Variants in ARFGAP3 observed in about 807,000 individuals in gnomAD.
ARFGAP3 encodes ARF GTPase activating protein 3.
In ARFGAP3, 72 loss-of-function variants were observed where a neutral mutation model predicts 75.0. That is an observed-to-expected ratio of 0.96 (90% CI 0.79 to 1.17). The LOEUF is 1.17. Ranked by LOEUF, ARFGAP3 falls within the 50% of genes most tolerant of loss-of-function variation. The probability of loss-of-function intolerance (pLI) is 0.00; values close to 1 mark genes in which losing one functional copy is unlikely to be tolerated. For synonymous variants in ARFGAP3, 221 were observed against 217.9 expected (o/e 1.01, Z -0.13); for missense variants, 620 against 626.6 (o/e 0.99, Z 0.11).
intron 5 of ARFGAP3, among the ~76,000 whole-genome samples, chr22:42,833,269 T>C (rs142466669): frequency 3.3e-5 from 5 of 152,306 alleles, no homozygotes; most frequent in African/African-American, 1.2e-4. Context: ...ACTGGGGCAC[T>C]GAGAATGAAA....
At chr22:42,839,787 C>T (rs1926699444) in intron 3 of ARFGAP3, among the ~76,000 whole-genome samples, 1 of 152,094 alleles carries the variant, frequency 6.6e-6, no homozygotes, top group South Asian at 2.1e-4. Context: ...CTTATCACTG[C>T]CTGTTATTTT....
At chr22:42,807,908 C>A (rs139291149) in intron 13 of ARFGAP3, among the ~76,000 whole-genome samples, 20 of 151,336 alleles carry the variant, frequency 1.3e-4, no homozygotes, top group African/African-American at 4.4e-4. Flanking sequence ...CCATACCGAG[C>A]TAATTTTTGT....
At chr22:42,850,912 T>C (rs1927251496) in intron 1 of ARFGAP3, among the ~76,000 whole-genome samples, 1 of 152,240 alleles carries the variant, frequency 6.6e-6, no homozygotes, top group African/African-American at 2.4e-5. Flanking sequence ...TGAACGCTTA[T>C]TGGTGCTAGT....
chr22:42,829,625 G>A (rs960682761), intron 6 of ARFGAP3, among the ~76,000 whole-genome samples: 4 of 152,086 alleles, frequency 2.6e-5, no homozygotes, highest in African/African-American at 7.2e-5. Context: ...GAAACAAGCC[G>A]TTTTTGTCTA....
intron 2 of ARFGAP3, among the ~76,000 whole-genome samples, chr22:42,845,796 T>G (rs539748563): frequency 6.6e-6 from 1 of 151,784 alleles, no homozygotes; most frequent in Non-Finnish European, 1.5e-5. Flanking sequence ...TCCCAACACT[T>G]TGGGAGGACG....
chr22:42,857,032 C>T (rs1927536255), intron 1 of ARFGAP3, 82 bp downstream of exon 1: 1 of 1,394,258 alleles, frequency 7.2e-7, no homozygotes, highest in Non-Finnish European at 9.4e-7. Context: ...GCCTCCCAAG[C>T]CACGGGCACT....
chr22:42,849,203 C>T (rs1927157947), intron 1 of ARFGAP3, among the ~76,000 whole-genome samples: 1 of 152,234 alleles, frequency 6.6e-6, no homozygotes, highest in African/African-American at 2.4e-5. Flanking sequence ...CCAGCTAAGT[C>T]ACCCCCAAAT....
intron 11 of ARFGAP3, among the ~76,000 whole-genome samples, chr22:42,815,522 G>A (rs1268564104): frequency 6.7e-6 from 1 of 150,036 alleles, no homozygotes; most frequent in African/African-American, 2.5e-5. Flanking sequence ...TATAAACATT[G>A]ATAGGAAAAT....
chr22:42,827,750 A>G (rs1195614829), intron 6 of ARFGAP3, among the ~76,000 whole-genome samples: 1 of 152,070 alleles, frequency 6.6e-6, no homozygotes, highest in Non-Finnish European at 1.5e-5. Context: ...TGTTTATTCT[A>G]TTTTACCTAA....
At chr22:42,834,045 C>G (rs1391745780) in intron 5 of ARFGAP3, among the ~76,000 whole-genome samples, 197 bp downstream of exon 5, 1 of 152,206 alleles carries the variant, frequency 6.6e-6, no homozygotes, top group East Asian at 1.9e-4. Flanking sequence ...ATGTTGAGAA[C>G]AGCAAAGTAA....
intron 13 of ARFGAP3, among the ~76,000 whole-genome samples, chr22:42,807,717 AG>A: frequency 1.3e-5 from 2 of 152,276 alleles, no homozygotes; most frequent in Admixed American, 1.3e-4. Context: ...TCAGGATGAG[AG>A]GAAAGACGTA....
At chr22:42,845,953 G>T (rs750933534) in intron 2 of ARFGAP3, among the ~76,000 whole-genome samples, 1 of 146,816 alleles carries the variant, frequency 6.8e-6, no homozygotes, top group Non-Finnish European at 1.5e-5. Context: ...CAGGAGAATC[G>T]CTTGAACCCA....
intron 1 of ARFGAP3, 91 bp downstream of exon 1, chr22:42,857,023 C>T: frequency 7.5e-7 from 1 of 1,325,610 alleles, no homozygotes; most frequent in Non-Finnish European, 9.8e-7. Context: ...GCCGGCCCCG[C>T]CTCCCAAGCC....
At chr22:42,834,089 G>T (rs1037189346) in intron 5 of ARFGAP3, among the ~76,000 whole-genome samples, 153 bp downstream of exon 5, 1 of 152,128 alleles carries the variant, frequency 6.6e-6, no homozygotes, top group African/African-American at 2.4e-5. Context: ...CCTAACCTTG[G>T]AATTGTTGAT....
rs748683056 is a variant in ARFGAP3, at chr22:42,817,835, A to G, written c.835T>C (p.Tyr279His). ...ESIVSSLRLA[Y>H]KDLEIQMKKD... ...TTCATTTGAATTTCAAGATCCTTAT[A>G]GGCTAATCGTAATGATGAAACACTG... Residue 279 changes from tyrosine (Y) to histidine (H), a missense_variant, in exon 10 of 16, where the codon TAT becomes CAT. Physicochemically the swap from Tyr to His is moderately conservative, Grantham distance 83. Transcript: ENST00000263245. 1.2e-6 allele frequency: 2 copies of G among 1,609,604 alleles called. No homozygotes were observed. The highest frequency in any genetic ancestry group is 1.1e-5 in the South Asian group (1 of 90,360).
At chr22:42,826,242 G>T (rs1297812340) in intron 7 of ARFGAP3, among the ~76,000 whole-genome samples, 1 of 152,158 alleles carries the variant, frequency 6.6e-6, no homozygotes. Flanking sequence ...AAATCAGAAA[G>T]AGAAGAAAAT....
chr22:42,847,787 A>T, intron 1 of ARFGAP3, 155 bp from the exon 2 acceptor site: 2 of 478,930 alleles, frequency 4.2e-6, no homozygotes, highest in Non-Finnish European at 5.4e-6. Flanking sequence ...AGGTTTTTTT[A>T]AAAGCCTCAA....
At chr22:42,848,354 G>A (rs540095295) in intron 1 of ARFGAP3, among the ~76,000 whole-genome samples, 9 of 152,162 alleles carry the variant, frequency 5.9e-5, no homozygotes, top group East Asian at 1.9e-4. Flanking sequence ...GACTACAGGC[G>A]CCCGCCACCG....
intron 13 of ARFGAP3, among the ~76,000 whole-genome samples, chr22:42,808,359 C>T (rs1318914127): frequency 3.3e-5 from 5 of 150,526 alleles, no homozygotes; most frequent in African/African-American, 4.9e-5. Context: ...AATCATGCCA[C>T]TGCACTCCAG....
Sources: allele counts gnomAD v4.1 joint callset (sites outside exome capture counted in the v4.1 genomes callset), GRCh38; gene constraint gnomAD v4.1.1; transcripts MANE v1.5; gene names NCBI Gene and HGNC (gene_info 2026-07-23, HGNC 2026-07-21).